The following COBL variants were observed in gnomAD, a reference collection of about 807,000 sequenced individuals.
COBL encodes cordon-bleu WH2 repeat protein.
COBL carries 51 observed loss-of-function variants against 98.8 expected under a neutral mutation model. The observed-to-expected ratio is 0.52, with a 90% CI of 0.41 to 0.65. COBL has a LOEUF of 0.65. Among genes scored for constraint, COBL ranks in the 30% least tolerant of loss-of-function variants. The pLI is 0.00. For missense variants in COBL, 1,617 were observed against 1,617.5 expected, an observed-to-expected ratio of 1.00 and a Z score of 0.01; for synonymous variants, 634 against 651.7, an observed-to-expected ratio of 0.97 and a Z score of 0.41.
At chr7:51,169,800 ATAAT>A (rs1484297546) in intron 5 of COBL, among the ~76,000 whole-genome samples, 1 of 152,222 alleles carries the variant, frequency 6.6e-6, no homozygotes, top group Middle Eastern at 3.2e-3. Context: ...TCTATAGTCA[ATAAT>A]TACTTACTTG....
At chr7:51,252,559 T>C (rs1220336481) in intron 1 of COBL, among the ~76,000 whole-genome samples, 1 of 152,232 alleles carries the variant, frequency 6.6e-6, no homozygotes, top group Non-Finnish European at 1.5e-5. Flanking sequence ...GAGACTTCAC[T>C]GCAGCTGTTT....
chr7:51,106,112 G>A (rs554607071), intron 6 of COBL, among the ~76,000 whole-genome samples: 3 of 151,018 alleles, frequency 2.0e-5, no homozygotes, highest in Admixed American at 1.3e-4. Flanking sequence ...GCTGAGGCAG[G>A]GGAATTGCTT....
chr7:51,184,806 A>G (rs1274243584), intron 4 of COBL, among the ~76,000 whole-genome samples: 2 of 152,210 alleles, frequency 1.3e-5, no homozygotes, highest in African/African-American at 2.4e-5. Flanking sequence ...CATCAGTGCA[A>G]TACACCTGCT....
chr7:51,154,149 C>G (rs1785852777), intron 5 of COBL, among the ~76,000 whole-genome samples: 1 of 152,162 alleles, frequency 6.6e-6, no homozygotes, highest in South Asian at 2.1e-4. Flanking sequence ...TTTATGAGAG[C>G]AGCTTAGCCC....
At chr7:51,132,097 T>C (rs1798802477) in intron 6 of COBL, among the ~76,000 whole-genome samples, 1 of 152,174 alleles carries the variant, frequency 6.6e-6, no homozygotes, top group African/African-American at 2.4e-5. Flanking sequence ...AATTGTACAT[T>C]TGGTATTTGC....
chr7:51,167,005 T>C (rs971956258), intron 5 of COBL, among the ~76,000 whole-genome samples: 5 of 152,140 alleles, frequency 3.3e-5, no homozygotes, highest in African/African-American at 1.2e-4. Context: ...TCTTACTGAA[T>C]GGAGAAAAAC....
At chr7:51,118,876 C>A (rs900294321) in intron 6 of COBL, among the ~76,000 whole-genome samples, 2 of 152,200 alleles carry the variant, frequency 1.3e-5, no homozygotes, top group Non-Finnish European at 2.9e-5. Context: ...AGAGAGGAAT[C>A]CACAGCCAGA....
intron 6 of COBL, among the ~76,000 whole-genome samples, chr7:51,115,733 A>G (rs1370402): frequency 0.61 from 92,739 of 151,802 alleles, 28,619 homozygotes; most frequent in Middle Eastern, 0.75. Context: ...ATTTATATGG[A>G]TAGTTGGTAG....
intron 1 of COBL, among the ~76,000 whole-genome samples, chr7:51,232,894 T>C (rs1230805522): frequency 6.6e-6 from 1 of 152,200 alleles, no homozygotes; most frequent in East Asian, 1.9e-4. Flanking sequence ...CCTGGGTTGT[T>C]TGGCCATGAA....
At chr7:51,063,857 A>C (rs1266279059) in intron 7 of COBL, among the ~76,000 whole-genome samples, 1 of 152,200 alleles carries the variant, frequency 6.6e-6, no homozygotes, top group Non-Finnish European at 1.5e-5. Context: ...AATGTTCTAC[A>C]TGTATTTGTA....
At chr7:51,035,397 T>C (rs1020382501) in intron 8 of COBL, 3 of 151,640 alleles carry the variant, frequency 2.0e-5, no homozygotes, top group Non-Finnish European at 4.4e-5. Context: ...GAGAGAGATG[T>C]TGCTTTTAGG....
intron 1 of COBL, among the ~76,000 whole-genome samples, chr7:51,248,919 T>C (rs1379522775): frequency 1.3e-5 from 2 of 152,208 alleles, no homozygotes; most frequent in African/African-American, 4.8e-5. Context: ...TTACAATCTT[T>C]ATCGTCTGAA....
At chr7:51,141,882 C>G (rs564516853) in intron 5 of COBL, among the ~76,000 whole-genome samples, 2 of 152,286 alleles carry the variant, frequency 1.3e-5, no homozygotes, top group East Asian at 3.9e-4. Context: ...GTGGCTGGCA[C>G]AGTCTTGGGT....
intron 1 of COBL, among the ~76,000 whole-genome samples, chr7:51,300,576 C>A (rs1306945549): frequency 6.6e-6 from 1 of 152,146 alleles, no homozygotes; most frequent in Non-Finnish European, 1.5e-5. Context: ...TCAGAAGGAG[C>A]TGCCTGCTCC....
chr7:51,213,101 G>A (rs961989456), intron 2 of COBL, among the ~76,000 whole-genome samples: 1 of 152,196 alleles, frequency 6.6e-6, no homozygotes, highest in Non-Finnish European at 1.5e-5. Context: ...TTCTTGTGTG[G>A]GACCAAGGCC....
chr7:51,182,910 C>G (rs533403616), intron 5 of COBL, among the ~76,000 whole-genome samples: 1 of 152,296 alleles, frequency 6.6e-6, no homozygotes, highest in Admixed American at 6.5e-5. Context: ...TCTGCCAGTT[C>G]GGCCGAGCTC....
intron 1 of COBL, among the ~76,000 whole-genome samples, chr7:51,279,776 T>C (rs1799647354): frequency 6.6e-6 from 1 of 152,222 alleles, no homozygotes; most frequent in African/African-American, 2.4e-5. Context: ...CCTCTGTTCC[T>C]GCTCTTTCCC....
chr7:51,149,099 A>G (rs1240562497), intron 5 of COBL, among the ~76,000 whole-genome samples: 1 of 152,058 alleles, frequency 6.6e-6, no homozygotes, highest in African/African-American at 2.4e-5. Flanking sequence ...TCTTCCCCAT[A>G]TGGCCCCACA....
intron 2 of COBL, among the ~76,000 whole-genome samples, chr7:51,207,381 T>C (rs908120000): frequency 6.6e-6 from 1 of 152,190 alleles, no homozygotes; most frequent in African/African-American, 2.4e-5. Flanking sequence ...AAATTTTGTC[T>C]CTGAACTCAA....
Sources: gnomAD v4.1 joint callset for allele counts (sites outside exome capture counted in the v4.1 genomes callset) on GRCh38, gnomAD v4.1.1 for gene constraint, MANE v1.5 for transcripts, NCBI Gene and HGNC (gene_info 2026-07-23, HGNC 2026-07-21) for gene names.